The following RBFOX1 variants were observed in gnomAD, a reference collection of about 807,000 sequenced individuals.
RBFOX1 encodes RNA binding fox-1 homolog 1, also known as RNA binding protein fox-1 homolog 1.
RBFOX1 carries 8 observed loss-of-function variants against 57.7 expected under a neutral mutation model. The ratio of observed to expected loss-of-function variants is 0.14; its 90% CI spans 0.08 to 0.25. The LOEUF (loss-of-function observed/expected upper bound fraction) is 0.25, where lower values mean the gene tolerates loss of function less well. Ranked by LOEUF, RBFOX1 falls within the 10% of genes least tolerant of loss-of-function variation. The pLI, the probability that RBFOX1 is intolerant of heterozygous loss-of-function variation, is 1.00. For synonymous variants in RBFOX1, 326 were observed against 222.4 expected, an observed-to-expected ratio of 1.47 and a Z score of -4.15; for missense variants, 611 against 548.5, an observed-to-expected ratio of 1.11 and a Z score of -1.14.
chr16:5,811,834 T>C (rs376074905), intron 3 of RBFOX1, among the ~76,000 whole-genome samples: 48 of 152,302 alleles, frequency 3.2e-4, no homozygotes, highest in African/African-American at 1.0e-3. Context: ...ACAATATAGA[T>C]CTTGACTGAA....
chr16:5,831,045 A>C (rs1300757566), intron 3 of RBFOX1, among the ~76,000 whole-genome samples: 8 of 152,186 alleles, frequency 5.3e-5, no homozygotes, highest in Non-Finnish European at 8.8e-5. Flanking sequence ...TGGCGAGTTT[A>C]ATATCTGTTC....
At chr16:5,651,405 T>G (rs375544335) in intron 3 of RBFOX1, among the ~76,000 whole-genome samples, 1 of 151,956 alleles carries the variant, frequency 6.6e-6, no homozygotes, top group Non-Finnish European at 1.5e-5. Context: ...AGAATGTTGG[T>G]TGGAGGACAC....
intron 1 of RBFOX1, among the ~76,000 whole-genome samples, chr16:5,275,367 A>G (rs1013273323): frequency 3.3e-5 from 5 of 152,242 alleles, no homozygotes; most frequent in African/African-American, 7.2e-5. Context: ...TACAAAATCT[A>G]TGTACACAAA....
At chr16:6,215,851 G>C (rs191507092) in intron 1 of RBFOX1, among the ~76,000 whole-genome samples, 1 of 152,240 alleles carries the variant, frequency 6.6e-6, no homozygotes, top group East Asian at 1.9e-4. Flanking sequence ...TTATAACCCA[G>C]TATGAATCAA....
rs992746943 is a variant in RBFOX1 at position 5,969,618 on chromosome 16, A to T, written c.351+102283A>T. Among the ~76,000 whole-genome samples, 6 of 151,420 alleles carry T rather than the reference A, an allele frequency of 4.0e-5. No homozygotes were observed. The South Asian group carries it at 1.3e-3, about 32-fold the overall frequency. On this transcript the variant is annotated intron_variant, in intron 4 of 19. Transcript: ENST00000641259. ...ATTACAGGTGTGAACCACCATGTCCAGCCTTTGTTGTTCATTTTTAAGTGA... is the reference window on the plus strand; with the variant it reads ...ATTACAGGTGTGAACCACCATGTCCTGCCTTTGTTGTTCATTTTTAAGTGA...
intron 4 of RBFOX1, among the ~76,000 whole-genome samples, chr16:7,213,670 C>T (rs773233881): frequency 6.6e-6 from 1 of 152,092 alleles, no homozygotes; most frequent in Non-Finnish European, 1.5e-5. Flanking sequence ...TTTAATAATC[C>T]TAACAGCCCT....
intron 5 of RBFOX1, among the ~76,000 whole-genome samples, chr16:7,567,123 C>T (rs967781231): frequency 6.4e-5 from 9 of 141,062 alleles, no homozygotes; most frequent in African/African-American, 2.3e-4. Flanking sequence ...ATATATATCT[C>T]CCTATATATG....
chr16:5,609,387 T>G (rs34769568), intron 3 of RBFOX1, among the ~76,000 whole-genome samples: 15,251 of 151,778 alleles, frequency 0.1, 1,242 homozygotes, highest in East Asian at 0.37. Flanking sequence ...GAGACAGGAG[T>G]GGAATGTGAA....
At chr16:7,225,389 G>C (rs2093029821) in intron 4 of RBFOX1, among the ~76,000 whole-genome samples, 1 of 152,066 alleles carries the variant, frequency 6.6e-6, no homozygotes, top group Admixed American at 6.6e-5. Flanking sequence ...TTTGTAAGGG[G>C]TTTCCCTCTA....
At chr16:6,140,494 C>A (rs1273176378) in intron 1 of RBFOX1, among the ~76,000 whole-genome samples, 1 of 152,156 alleles carries the variant, frequency 6.6e-6, no homozygotes, top group East Asian at 1.9e-4. Context: ...CTGTGCCCAG[C>A]CAGAAATGCT....
intron 3 of RBFOX1, among the ~76,000 whole-genome samples, chr16:6,911,512 C>G (rs1317563320): frequency 6.6e-6 from 1 of 152,196 alleles, no homozygotes; most frequent in East Asian, 1.9e-4. Context: ...GCATGTCTGT[C>G]TCCCTGTCCA....
At chr16:7,171,340 G>A (rs1163639539) in intron 4 of RBFOX1, among the ~76,000 whole-genome samples, 1 of 152,146 alleles carries the variant, frequency 6.6e-6, no homozygotes, top group Non-Finnish European at 1.5e-5. Context: ...AGGGTTCAGT[G>A]GGAAAATGCT....
intron 3 of RBFOX1, among the ~76,000 whole-genome samples, chr16:5,791,905 C>G (rs374956684): frequency 6.6e-6 from 1 of 152,128 alleles, no homozygotes; most frequent in Non-Finnish European, 1.5e-5. Flanking sequence ...TTGGGAAGAA[C>G]CAGCAAGATG....
chr16:6,445,940 A>C (rs562635230), intron 2 of RBFOX1, among the ~76,000 whole-genome samples: 2 of 150,800 alleles, frequency 1.3e-5, no homozygotes, highest in South Asian at 4.2e-4. Flanking sequence ...AACTATACAC[A>C]GAGTAGGTCC....
At chr16:6,745,891 A>G (rs1281339773) in intron 3 of RBFOX1, among the ~76,000 whole-genome samples, 2 of 152,242 alleles carry the variant, frequency 1.3e-5, no homozygotes, top group East Asian at 1.9e-4. Context: ...TATGCTCTCT[A>G]AAACAGAAAG....
intron 4 of RBFOX1, among the ~76,000 whole-genome samples, chr16:7,092,994 C>T (rs1019198955): frequency 2.6e-5 from 4 of 152,194 alleles, no homozygotes; most frequent in African/African-American, 9.6e-5. Context: ...TTGCCTCTGG[C>T]AGTCAAAGGA....
At chr16:7,207,823 A>G (rs1268501974) in intron 4 of RBFOX1, among the ~76,000 whole-genome samples, 1 of 152,184 alleles carries the variant, frequency 6.6e-6, no homozygotes, top group Admixed American at 6.6e-5. Flanking sequence ...GCAGGCCACC[A>G]TCTATCACCA....
intron 3 of RBFOX1, among the ~76,000 whole-genome samples, chr16:5,608,452 C>T (rs1422916331): frequency 6.6e-6 from 1 of 152,158 alleles, no homozygotes; most frequent in African/African-American, 2.4e-5. Flanking sequence ...CAGGCTGCAG[C>T]CTTGAGTCCC....
intron 1 of RBFOX1, among the ~76,000 whole-genome samples, chr16:5,446,396 A>G (rs1235931540): frequency 6.6e-6 from 1 of 152,168 alleles, no homozygotes; most frequent in African/African-American, 2.4e-5. Context: ...TGCTCACTGG[A>G]AATGTTTCTT....
Sources: gnomAD v4.1 joint callset for allele counts (sites outside exome capture counted in the v4.1 genomes callset) on GRCh38, gnomAD v4.1.1 for gene constraint, MANE v1.5 for transcripts, NCBI Gene and HGNC (gene_info 2026-07-23, HGNC 2026-07-21) for gene names.